Variants in ANTXR2 observed in about 807,000 individuals in gnomAD.
ANTXR2 encodes the protein ANTXR cell adhesion molecule 2, also known as anthrax toxin receptor 2.
A neutral mutation model predicts 73.7 loss-of-function variants in ANTXR2; 44 were observed. The observed-to-expected ratio is 0.60, with a 90% CI of 0.47 to 0.77. The LOEUF (loss-of-function observed/expected upper bound fraction) is 0.77, where lower values mean the gene tolerates loss of function less well. Ranked by LOEUF, ANTXR2 falls within the 30% of genes least tolerant of loss-of-function variation. The pLI is 0.00. For synonymous variants in ANTXR2, 217 were observed against 205.9 expected, an observed-to-expected ratio of 1.05 and a Z score of -0.46; for missense variants, 604 against 592.5, an observed-to-expected ratio of 1.02 and a Z score of -0.20.
intron 14 of ANTXR2, among the ~76,000 whole-genome samples, chr4:79,983,657 T>C (rs147027725): frequency 1.3e-5 from 2 of 152,218 alleles, no homozygotes; most frequent in South Asian, 2.1e-4. Context: ...AGAGGTCTTA[T>C]CAATGCAATC....
At chr4:80,044,473 T>C (rs1379904309) in intron 7 of ANTXR2, among the ~76,000 whole-genome samples, 1 of 151,934 alleles carries the variant, frequency 6.6e-6, no homozygotes, top group African/African-American at 2.4e-5. Flanking sequence ...TGGAGAGTTG[T>C]AGTTGGTGTC....
intron 7 of ANTXR2, among the ~76,000 whole-genome samples, chr4:80,044,935 T>C (rs1003326169): frequency 6.6e-6 from 1 of 151,824 alleles, no homozygotes; most frequent in South Asian, 2.1e-4. Context: ...AGCATGGCCA[T>C]TATGACTATA....
intron 9 of ANTXR2, among the ~76,000 whole-genome samples, chr4:80,032,920 T>C (rs1365707094): frequency 6.8e-6 from 1 of 147,738 alleles, no homozygotes; most frequent in Non-Finnish European, 1.5e-5. Context: ...GAATTTGAGA[T>C]GCAAAAATCT....
At chr4:80,056,667 A>G (rs1734011650) in intron 3 of ANTXR2, among the ~76,000 whole-genome samples, 1 of 151,894 alleles carries the variant, frequency 6.6e-6, no homozygotes, top group Admixed American at 6.6e-5. Flanking sequence ...ATGTATGGAT[A>G]GATGGATGAA....
At position 79,984,907 on chromosome 4, in the gene ANTXR2, G is replaced by A. The variant is rs80029653; in HGVS notation, c.1042-44C>T. Reference sequence around the variant, plus strand: ...TATAAAAATTTCTATGGCATAGAGAGGAGATAGTAAGGATGTGTAAAAATA... The same window carrying A: ...TATAAAAATTTCTATGGCATAGAGAAGAGATAGTAAGGATGTGTAAAAATA... On this transcript the variant is annotated intron_variant, in intron 12 of 16. Transcript: ENST00000403729. 1.1e-3 allele frequency: 1,564 copies of A among 1,446,362 alleles called. 12 individuals carry two copies. In the African/African-American group the frequency reaches 0.02, roughly 19 times the overall value. 89.6% of individuals were successfully genotyped at this position (1,446,362 alleles called of 1,614,324 possible).
In ANTXR2 at chr4:80,026,954, G is replaced by T. The variant is rs193213897; in HGVS notation, c.866+4669C>A. ...GCAGATGAGGTGAACTTATCACATT[G>T]ATAGATATAATTTGAAAACAGTGCA... On this transcript the variant is annotated intron_variant, in intron 10 of 16. Transcript: ENST00000403729. Among the ~76,000 whole-genome samples the T allele has an allele frequency of 1.9e-4, 29 of 152,158 alleles. No homozygotes were observed. In the East Asian group the frequency reaches 5.4e-3, roughly 28 times the overall value.
At chr4:80,057,133 C>A (rs1734037982) in intron 3 of ANTXR2, among the ~76,000 whole-genome samples, 2 of 151,828 alleles carry the variant, frequency 1.3e-5, no homozygotes, top group South Asian at 4.2e-4. Flanking sequence ...ATGTAAAATT[C>A]TTGAAATGAT....
At chr4:80,005,957 A>G (rs1414005621) in intron 12 of ANTXR2, among the ~76,000 whole-genome samples, 1 of 152,086 alleles carries the variant, frequency 6.6e-6, no homozygotes, top group African/African-American at 2.4e-5. Context: ...ACCATCATTC[A>G]CCTAGCACAG....
chr4:80,061,680 G>A (rs200090716), intron 3 of ANTXR2, among the ~76,000 whole-genome samples: 1 of 117,810 alleles, frequency 8.5e-6, no homozygotes, highest in Admixed American at 1.0e-4. Flanking sequence ...AATTCACTTA[G>A]AATTCACTTA....
chr4:79,910,572 G>T (rs1206277620), intron 16 of ANTXR2, among the ~76,000 whole-genome samples: 1 of 150,630 alleles, frequency 6.6e-6, no homozygotes, highest in Admixed American at 6.6e-5. Context: ...AACAGATATT[G>T]TTGTTATCCA....
At chr4:79,981,821 C>G (rs546215106) in intron 14 of ANTXR2, among the ~76,000 whole-genome samples, 12 of 152,216 alleles carry the variant, frequency 7.9e-5, no homozygotes, top group African/African-American at 2.9e-4. Flanking sequence ...TTATCCAAAA[C>G]TAAAATGGAC....
chr4:80,070,385 T>C (rs1296539481), intron 2 of ANTXR2, among the ~76,000 whole-genome samples: 1 of 152,252 alleles, frequency 6.6e-6, no homozygotes, highest in East Asian at 1.9e-4. Context: ...AGCTTGCTTC[T>C]TTAAAATGTT....
chr4:80,008,850 A>C (rs1360995011), intron 11 of ANTXR2, among the ~76,000 whole-genome samples: 1 of 152,150 alleles, frequency 6.6e-6, no homozygotes, highest in Non-Finnish European at 1.5e-5. Context: ...AAACTTTCCC[A>C]AAATGCTGCA....
At chr4:80,044,469 G>A (rs371102486) in intron 7 of ANTXR2, among the ~76,000 whole-genome samples, 116 of 152,040 alleles carry the variant, frequency 7.6e-4, no homozygotes, top group African/African-American at 2.7e-3. Context: ...TTTGTGGAGA[G>A]TTGTAGTTGG....
chr4:80,070,435 G>A (rs1432322005), intron 2 of ANTXR2, among the ~76,000 whole-genome samples: 2 of 152,158 alleles, frequency 1.3e-5, no homozygotes, highest in African/African-American at 4.8e-5. Flanking sequence ...AAATCTACAT[G>A]ACACCCTTTT....
intron 16 of ANTXR2, among the ~76,000 whole-genome samples, chr4:79,920,803 T>C (rs1406803989): frequency 6.6e-6 from 1 of 152,172 alleles, no homozygotes; most frequent in Non-Finnish European, 1.5e-5. Context: ...CATTCTCATC[T>C]CTTTTACTGC....
chr4:80,055,338 A>G (rs2110108263), intron 5 of ANTXR2, 22 bp downstream of exon 5: 3 of 1,594,690 alleles, frequency 1.9e-6, no homozygotes, highest in East Asian at 4.5e-5. Context: ...GGTGTAGAGA[A>G]CAGTCTCAGT....
At chr4:79,937,975 G>A (rs2109970757) in intron 16 of ANTXR2, among the ~76,000 whole-genome samples, 1 of 115,818 alleles carries the variant, frequency 8.6e-6, no homozygotes, top group African/African-American at 3.4e-5. Context: ...GGTCGCACCT[G>A]GAAAATCGGG....
chr4:79,936,881 C>T (rs1728285815), intron 16 of ANTXR2, among the ~76,000 whole-genome samples: 1 of 152,054 alleles, frequency 6.6e-6, no homozygotes. Context: ...CACTCTACCA[C>T]TGTACTAACC....
Sources: allele counts gnomAD v4.1 joint callset (sites outside exome capture counted in the v4.1 genomes callset), GRCh38; gene constraint gnomAD v4.1.1; transcripts MANE v1.5; gene names NCBI Gene and HGNC (gene_info 2026-07-23, HGNC 2026-07-21).